The following KLHL4 variants were observed in gnomAD, a reference collection of about 807,000 sequenced individuals.
KLHL4 encodes the protein kelch-like protein 4.
Under a neutral mutation model 45.8 loss-of-function variants are expected in KLHL4, and 17 were observed. The ratio of observed to expected loss-of-function variants is 0.37; its 90% CI spans 0.25 to 0.56. The LOEUF (loss-of-function observed/expected upper bound fraction) is 0.56, where lower values mean the gene tolerates loss of function less well. Among genes scored for constraint, KLHL4 ranks in the 20% least tolerant of loss-of-function variants. KLHL4 has a pLI of 0.79. For missense variants in KLHL4, 544 were observed against 544.9 expected, an observed-to-expected ratio of 1.00 and a Z score of 0.02; for synonymous variants, 224 against 189.9, an observed-to-expected ratio of 1.18 and a Z score of -1.47.
At chrX:87,595,267 G>A (rs1032071478) in intron 1 of KLHL4, among the ~76,000 whole-genome samples, 10 of 110,679 alleles carry the variant, frequency 9.0e-5, no homozygotes, top group African/African-American at 2.3e-4. Flanking sequence ...ACTCATTTCC[G>A]TTTCCACGGT....
intron 1 of KLHL4, among the ~76,000 whole-genome samples, chrX:87,608,620 G>T (rs1020249001): frequency 2.7e-5 from 3 of 111,420 alleles, no homozygotes; most frequent in Non-Finnish European, 3.8e-5. Flanking sequence ...ACCAGCATCT[G>T]CAAGCCTTCT....
At chrX:87,557,209 A>G (rs1192586262) in intron 1 of KLHL4, among the ~76,000 whole-genome samples, 1 of 112,090 alleles carries the variant, frequency 8.9e-6, no homozygotes, top group Non-Finnish European at 1.9e-5. Flanking sequence ...TTTAGATATC[A>G]CTGAAAAGTC....
chrX:87,605,074 G>C (rs1004192291), intron 1 of KLHL4, among the ~76,000 whole-genome samples: 1 of 111,254 alleles, frequency 9.0e-6, no homozygotes, highest in African/African-American at 3.3e-5. Flanking sequence ...CTTGACTATA[G>C]ATGTGTGAAT....
intron 1 of KLHL4, among the ~76,000 whole-genome samples, chrX:87,518,650 G>A (rs778340355): frequency 9.0e-6 from 1 of 111,663 alleles, no homozygotes; most frequent in Admixed American, 9.6e-5. Flanking sequence ...GCAATTCTTT[G>A]TGCAAGTGTT....
chrX:87,571,193 A>C (rs1319841732), intron 1 of KLHL4, among the ~76,000 whole-genome samples: 1 of 110,997 alleles, frequency 9.0e-6, no homozygotes, highest in Non-Finnish European at 1.9e-5. Flanking sequence ...TGTATAAATA[A>C]ATTTTTAATC....
intron 1 of KLHL4, among the ~76,000 whole-genome samples, chrX:87,570,397 A>G (rs1039135193): frequency 9.0e-6 from 1 of 111,061 alleles, no homozygotes; most frequent in African/African-American, 3.3e-5. Context: ...AACATTCTAG[A>G]CAGAGGGAGT....
rs1353575415 is a variant in KLHL4 at position 87,652,035 on chromosome X, A to C, written c.1926-12729A>C. 2.7e-5 allele frequency among the ~76,000 whole-genome samples: 3 copies of C among 112,469 alleles called. 1 individual carries two copies. In the Admixed American group the frequency reaches 2.8e-4, roughly 11 times the overall value. On this transcript the variant is annotated intron_variant, in intron 9 of 10. Coordinates refer to ENST00000373119, the MANE Select transcript of KLHL4 (RefSeq NM_019117.5). Reference sequence around the variant, plus strand: ...GTTCCCAAACCCCAATTATTGACTTATGTGCACTTGCAGGCTCAACACCAC... The same window carrying C: ...GTTCCCAAACCCCAATTATTGACTTCTGTGCACTTGCAGGCTCAACACCAC...
chrX:87,538,894 T>C (rs1373845057), intron 1 of KLHL4, among the ~76,000 whole-genome samples: 1 of 111,664 alleles, frequency 9.0e-6, no homozygotes, highest in Non-Finnish European at 1.9e-5. Flanking sequence ...CTGGACATTG[T>C]TGTTGAAACC....
intron 9 of KLHL4, among the ~76,000 whole-genome samples, chrX:87,648,285 A>G (rs1243640614): frequency 9.0e-6 from 1 of 111,728 alleles, no homozygotes; most frequent in African/African-American, 3.2e-5. Flanking sequence ...GTGGAATGGC[A>G]TCCTCAAGGA....
intron 1 of KLHL4, among the ~76,000 whole-genome samples, chrX:87,546,925 A>G (rs764858147): frequency 9.8e-5 from 11 of 112,590 alleles, no homozygotes; most frequent in Non-Finnish European, 2.1e-4. Flanking sequence ...CAAGGGGAGC[A>G]TTTATTCAAT....
chrX:87,608,063 G>A (rs1264402581), intron 1 of KLHL4, among the ~76,000 whole-genome samples: 1 of 111,412 alleles, frequency 9.0e-6, no homozygotes, highest in East Asian at 2.8e-4. Flanking sequence ...TTACCATTTA[G>A]GCAGTTGCTG....
intron 1 of KLHL4, among the ~76,000 whole-genome samples, chrX:87,576,953 T>C: frequency 8.9e-6 from 1 of 112,194 alleles, no homozygotes; most frequent in Non-Finnish European, 1.9e-5. Flanking sequence ...AAATAATAAA[T>C]CTAGTCCATG....
At chrX:87,595,266 C>T (rs944759842) in intron 1 of KLHL4, among the ~76,000 whole-genome samples, 6 of 111,029 alleles carry the variant, frequency 5.4e-5, no homozygotes, top group Non-Finnish European at 7.5e-5. Context: ...AACTCATTTC[C>T]GTTTCCACGG....
intron 1 of KLHL4, among the ~76,000 whole-genome samples, chrX:87,531,004 C>A (rs764493070): frequency 1.8e-5 from 2 of 112,072 alleles, no homozygotes; most frequent in East Asian, 5.6e-4. Context: ...TTTTGATTTG[C>A]ATTTCTCTGA....
Position 87,667,945 on chromosome X carries a change from C to G in KLHL4, c.*1411C>G. The G allele has an allele frequency of 1.4e-6, 1 of 704,146 alleles. No individual in the cohort carries two copies. The highest frequency in any genetic ancestry group is 1.7e-6 in the Non-Finnish European group (1 of 593,473). 58.0% of individuals were successfully genotyped at this position (704,146 alleles called of 1,213,427 possible). A position where few individuals can be genotyped will look rare whatever the true frequency, so the allele number is the denominator to read the frequency against. On this transcript the variant is annotated 3_prime_UTR_variant, in exon 11 of 11. Coordinates refer to ENST00000373119, the MANE Select transcript of KLHL4 (RefSeq NM_019117.5). The stretch of plus-strand genomic sequence containing the variant: ...TTTATTTCCTCTCACTATAGTGTGG[C>G]TTTAGAATATATCAAGTACAACCTG...
chrX:87,581,431 C>T, intron 1 of KLHL4, among the ~76,000 whole-genome samples: 1 of 112,461 alleles, frequency 8.9e-6, no homozygotes, highest in Non-Finnish European at 1.9e-5. Flanking sequence ...GACGTCCCAA[C>T]CAGGGTCTCC....
In KLHL4 at chrX:87,639,784, G is replaced by T. The variant is rs765267647; in HGVS notation, c.1925+4009G>T. ...AAAGAGCACAAATAGACAATCTAGG[G>T]TTACACGTCAAGGAACTAGAGAAAA... On this transcript the variant is annotated intron_variant, in intron 9 of 10. Coordinates refer to ENST00000373119, the MANE Select transcript of KLHL4 (RefSeq NM_019117.5). Among the ~76,000 whole-genome samples, 3 of 109,818 alleles carry T rather than the reference G, an allele frequency of 2.7e-5. No homozygotes were observed. The South Asian group carries it at 1.2e-3, about 43-fold the overall frequency.
chrX:87,632,907 T>A (rs1327122675), intron 7 of KLHL4, among the ~76,000 whole-genome samples: 1 of 111,044 alleles, frequency 9.0e-6, no homozygotes, highest in African/African-American at 3.3e-5. Flanking sequence ...AACAGAAAAA[T>A]TTCCTTTTTT....
chrX:87,658,763 C>T (rs1924078722), intron 9 of KLHL4, among the ~76,000 whole-genome samples: 1 of 111,167 alleles, frequency 9.0e-6, no homozygotes, highest in Admixed American at 9.6e-5. Flanking sequence ...GCTACTTCCT[C>T]GTGAGTGAGG....
Sources: gnomAD v4.1 joint callset for allele counts (sites outside exome capture counted in the v4.1 genomes callset) on GRCh38, gnomAD v4.1.1 for gene constraint, MANE v1.5 for transcripts, NCBI Gene and HGNC (gene_info 2026-07-23, HGNC 2026-07-21) for gene names.